Variants in LARGE1 observed in about 807,000 individuals in gnomAD.
LARGE1 encodes LARGE xylosyl- and glucuronyltransferase 1.
Under a neutral mutation model 87.6 loss-of-function variants are expected in LARGE1, and 43 were observed. That is an observed-to-expected ratio of 0.49 (90% CI 0.38 to 0.63). The LOEUF is 0.63. Ranked by LOEUF, LARGE1 falls within the 30% of genes least tolerant of loss-of-function variation. LARGE1 has a pLI of 0.00. For missense variants in LARGE1, 802 were observed against 1,000.2 expected, an observed-to-expected ratio of 0.80 and a Z score of 2.67; for synonymous variants, 434 against 394.6, an observed-to-expected ratio of 1.10 and a Z score of -1.18.
chr22:33,836,258 C>T (rs1471832032), intron 1 of LARGE1, among the ~76,000 whole-genome samples: 1 of 152,220 alleles, frequency 6.6e-6, no homozygotes, highest in Non-Finnish European at 1.5e-5. Context: ...CTCTACCTCT[C>T]TGAGCATGGT....
intron 11 of LARGE1, among the ~76,000 whole-genome samples, chr22:33,201,278 A>C (rs145986020): frequency 0.022 from 3,345 of 152,058 alleles, 98 homozygotes; most frequent in African/African-American, 0.076. Flanking sequence ...ATTGCACTCC[A>C]GTCTGGGCAA....
downstream of LARGE1, among the ~76,000 whole-genome samples, chr22:33,272,052 G>A (rs762080320): frequency 6.6e-6 from 1 of 152,176 alleles, no homozygotes; most frequent in African/African-American, 2.4e-5. Flanking sequence ...CACCAGCTAC[G>A]CCCATAAAAA....
chr22:33,639,945 G>C (rs558589502), intron 3 of LARGE1, among the ~76,000 whole-genome samples: 6 of 152,196 alleles, frequency 3.9e-5, no homozygotes, highest in Non-Finnish European at 8.8e-5. Context: ...ATGAGGGCCC[G>C]TTGTTCCTAT....
At chr22:33,294,794 G>A (rs968616845) in intron 12 of LARGE1, among the ~76,000 whole-genome samples, 1 of 152,246 alleles carries the variant, frequency 6.6e-6, no homozygotes, top group Admixed American at 6.5e-5. Context: ...CCAGGCAAAC[G>A]GTAGGCACTC....
intron 11 of LARGE1, among the ~76,000 whole-genome samples, chr22:33,200,006 A>G (rs137443): frequency 0.59 from 90,083 of 151,554 alleles, 27,032 homozygotes; most frequent in Middle Eastern, 0.65. Flanking sequence ...CTGCCACCAC[A>G]CCTGGCTAAT....
At chr22:33,413,496 G>A (rs2147472405) in intron 7 of LARGE1, among the ~76,000 whole-genome samples, 1 of 151,818 alleles carries the variant, frequency 6.6e-6, no homozygotes, top group African/African-American at 2.4e-5. Context: ...AAGGAGTCTT[G>A]CTCTGTCGCC....
intron 1 of LARGE1, among the ~76,000 whole-genome samples, chr22:33,773,423 G>T (rs575364125): frequency 6.6e-6 from 1 of 152,330 alleles, no homozygotes; most frequent in South Asian, 2.1e-4. Flanking sequence ...AAATTCTCTG[G>T]CTGCAGAGAA....
intron 1 of LARGE1, among the ~76,000 whole-genome samples, chr22:33,849,906 T>C (rs2063540253): frequency 6.6e-6 from 1 of 152,156 alleles, no homozygotes; most frequent in Non-Finnish European, 1.5e-5. Flanking sequence ...CGGACTCCTT[T>C]AGTTCTTATT....
At position 33,845,821 on chromosome 22, in the gene LARGE1, C is replaced by T. The variant is rs889693382; in HGVS notation, c.-83+74174G>A. Among the ~76,000 whole-genome samples, 3 of 152,116 alleles carry T rather than the reference C, an allele frequency of 2.0e-5. No individual in the cohort carries two copies. The South Asian group carries it at 6.2e-4, about 32-fold the overall frequency. On this transcript the variant is annotated intron_variant, in intron 1 of 14. Coordinates refer to ENST00000397394, the MANE Select transcript of LARGE1 (RefSeq NM_133642.5). Reference sequence around the variant, plus strand: ...CTCATTCCCATGACTCCCTTTCTCCCCGCCCCGTGATTACTTTGAAGCAAA... The same window carrying T: ...CTCATTCCCATGACTCCCTTTCTCCTCGCCCCGTGATTACTTTGAAGCAAA...
chr22:33,696,239 C>T (rs1182542284), intron 2 of LARGE1, among the ~76,000 whole-genome samples: 9 of 41,836 alleles, frequency 2.2e-4, no homozygotes, highest in Non-Finnish European at 2.7e-4. Context: ...CAGTATTTTT[C>T]TTTCTTTCTT....
chr22:33,357,065 T>G (rs1454104493), intron 9 of LARGE1, among the ~76,000 whole-genome samples: 1 of 152,212 alleles, frequency 6.6e-6, no homozygotes, highest in Non-Finnish European at 1.5e-5. Flanking sequence ...TAGCTATACT[T>G]GTGTGTTCAC....
chr22:33,625,025 T>C (rs937906014), intron 4 of LARGE1, among the ~76,000 whole-genome samples: 2 of 152,218 alleles, frequency 1.3e-5, no homozygotes, highest in South Asian at 4.1e-4. Flanking sequence ...AAGCCCACCA[T>C]GGTTCCCATC....
At chr22:33,653,916 T>G (rs1348432082) in intron 2 of LARGE1, among the ~76,000 whole-genome samples, 2 of 152,104 alleles carry the variant, frequency 1.3e-5, no homozygotes, top group African/African-American at 4.8e-5. Flanking sequence ...CGTAAGAACA[T>G]GGAGGAGCAA....
At chr22:33,579,359 C>G (rs978020761) in intron 5 of LARGE1, among the ~76,000 whole-genome samples, 1 of 152,192 alleles carries the variant, frequency 6.6e-6, no homozygotes, top group African/African-American at 2.4e-5. Context: ...CCCAGCCACG[C>G]GGAATTTTAA....
intron 11 of LARGE1, among the ~76,000 whole-genome samples, chr22:33,310,693 C>T (rs1002065006): frequency 2.0e-5 from 3 of 152,184 alleles, no homozygotes; most frequent in African/African-American, 7.2e-5. Flanking sequence ...GCATCATAAT[C>T]GGATGTGTTG....
At chr22:33,858,530 C>A (rs921580219) in intron 1 of LARGE1, among the ~76,000 whole-genome samples, 3 of 152,124 alleles carry the variant, frequency 2.0e-5, no homozygotes, top group African/African-American at 7.2e-5. Context: ...CCTGTTTTTG[C>A]CTAATTAGCA....
At chr22:33,803,525 G>A (rs889668702) in intron 1 of LARGE1, among the ~76,000 whole-genome samples, 1 of 152,128 alleles carries the variant, frequency 6.6e-6, no homozygotes, top group Non-Finnish European at 1.5e-5. Flanking sequence ...AATTCACTAG[G>A]AGGACTCGCC....
At chr22:33,155,653 G>A in the LARGE1 span, among the ~76,000 whole-genome samples, 2 of 152,152 alleles carry the variant, frequency 1.3e-5, no homozygotes, top group African/African-American at 2.4e-5. Flanking sequence ...CTGACAATGC[G>A]ATAGAAAATA....
At chr22:33,389,034 A>G (rs2065423885) in intron 7 of LARGE1, among the ~76,000 whole-genome samples, 2 of 152,230 alleles carry the variant, frequency 1.3e-5, no homozygotes, top group African/African-American at 2.4e-5. Context: ...TTATGAAGAG[A>G]GCTCACAGGA....
Sources: allele counts gnomAD v4.1 joint callset (sites outside exome capture counted in the v4.1 genomes callset), GRCh38; gene constraint gnomAD v4.1.1; transcripts MANE v1.5; gene names NCBI Gene and HGNC (gene_info 2026-07-23, HGNC 2026-07-21).